The following LAMP3 variants were observed in gnomAD, a reference collection of about 807,000 sequenced individuals.
LAMP3 encodes the protein lysosome associated membrane protein 3.
LAMP3 carries 26 observed loss-of-function variants against 34.8 expected under a neutral mutation model. The ratio of observed to expected loss-of-function variants is 0.75; its 90% CI spans 0.55 to 1.04. The LOEUF (loss-of-function observed/expected upper bound fraction) is 1.04, where lower values mean the gene tolerates loss of function less well. Among genes scored for constraint, LAMP3 ranks in the 50% least tolerant of loss-of-function variants. LAMP3 has a pLI of 0.00. For synonymous variants in LAMP3, 180 were observed against 201.9 expected, an observed-to-expected ratio of 0.89 and a Z score of 0.92; for missense variants, 495 against 524.0, an observed-to-expected ratio of 0.94 and a Z score of 0.54.
chr3:183,156,234 G>T (rs996740675), intron 1 of LAMP3, among the ~76,000 whole-genome samples: 2 of 152,172 alleles, frequency 1.3e-5, no homozygotes, highest in African/African-American at 2.4e-5. Flanking sequence ...GTGACACAGT[G>T]CCTGTAATCC....
At chr3:183,157,483 C>T (rs1720855855) in intron 1 of LAMP3, among the ~76,000 whole-genome samples, 1 of 152,182 alleles carries the variant, frequency 6.6e-6, no homozygotes, top group Non-Finnish European at 1.5e-5. Flanking sequence ...TCTGGTCAAA[C>T]ACCAACGAAA....
At chr3:183,161,317 A>G (rs1560318784) in intron 1 of LAMP3, among the ~76,000 whole-genome samples, 1 of 152,326 alleles carries the variant, frequency 6.6e-6, no homozygotes, top group East Asian at 1.9e-4. Context: ...TTTGTAGCTC[A>G]GAAAGGAACC....
rs1719720819 is a variant in LAMP3, at chr3:183,123,753, C to T, written c.*328G>A. 1.8e-5 allele frequency: 5 copies of T among 270,766 alleles called. No homozygotes were observed. Among genetic ancestry groups the T allele is most frequent in the Non-Finnish European group, 3.6e-5 (5 of 140,782 alleles). 16.8% of individuals were successfully genotyped at this position (270,766 alleles called of 1,614,324 possible). On this transcript the variant is annotated 3_prime_UTR_variant, in exon 6 of 6. Transcript: ENST00000265598. ...ACAGTAGTATTAGTTACAATTGACC[C>T]TTGGTTTATAATTTGAAGGCTTATT...
At chr3:183,136,450 G>A (rs369345270) in intron 4 of LAMP3, among the ~76,000 whole-genome samples, 49 of 152,114 alleles carry the variant, frequency 3.2e-4, no homozygotes, top group African/African-American at 1.1e-3. Flanking sequence ...TCGGGAGTTC[G>A]AGACCAGCCT....
chr3:183,124,292 G>T, intron 5 of LAMP3, 78 bp from the exon 6 acceptor site: 1 of 1,293,890 alleles, frequency 7.7e-7, no homozygotes, highest in Non-Finnish European at 1.0e-6. Flanking sequence ...GGGGAAAGAA[G>T]ATGAGCTTTG....
rs1719719300 is a variant in LAMP3 at position 183,123,685 on chromosome 3, G to T, written c.*396C>A. The stretch of plus-strand genomic sequence containing the variant: ...AAGTCCATTTGATAACAAAGCAAAG[G>T]CTTTGTTAAGATCAAGGGTAAAATA... On this transcript the variant is annotated 3_prime_UTR_variant, in exon 6 of 6. Transcript: ENST00000265598. 1 of 176,998 alleles carries T rather than the reference G, an allele frequency of 5.6e-6. No homozygotes were observed. The highest frequency in any genetic ancestry group is 1.2e-5 in the Non-Finnish European group (1 of 83,184). 11.0% of individuals were successfully genotyped at this position (176,998 alleles called of 1,614,324 possible).
At chr3:183,157,993 G>A (rs1720870749) in intron 1 of LAMP3, 1 of 151,998 alleles carries the variant, frequency 6.6e-6, no homozygotes, top group Admixed American at 6.6e-5. Context: ...GTCTCTGGGT[G>A]GTAGACAGAA....
chr3:183,162,500 C>T (rs1721006557), intron 1 of LAMP3, 107 bp downstream of exon 1: 3 of 1,148,548 alleles, frequency 2.6e-6, no homozygotes, highest in Non-Finnish European at 2.5e-6. Flanking sequence ...CGCGCCACAC[C>T]TCCCTACCCG....
intron 4 of LAMP3, among the ~76,000 whole-genome samples, chr3:183,139,311 A>G (rs1346478458): frequency 1.3e-5 from 2 of 151,630 alleles, no homozygotes; most frequent in African/African-American, 4.9e-5. Context: ...AATCGCTTGA[A>G]TCTGGGAGGC....
chr3:183,150,207 G>A (rs967319329), intron 3 of LAMP3, among the ~76,000 whole-genome samples: 6 of 152,190 alleles, frequency 3.9e-5, no homozygotes, highest in Non-Finnish European at 8.8e-5. Context: ...TACCCTTGGA[G>A]GAAGAGGTAA....
chr3:183,130,253 G>T (rs985210227), intron 5 of LAMP3, among the ~76,000 whole-genome samples: 2 of 150,790 alleles, frequency 1.3e-5, no homozygotes, highest in South Asian at 2.1e-4. Context: ...CTGCCTCCCG[G>T]GTTGACGCCA....
intron 3 of LAMP3, among the ~76,000 whole-genome samples, chr3:183,151,444 TGAGA>T (rs1560313457): frequency 3.1e-5 from 4 of 129,008 alleles, no homozygotes; most frequent in Non-Finnish European, 3.3e-5. Flanking sequence ...TTTTTTTTTT[TGAGA>T]TGGAGTTTTG....
At chr3:183,138,111 C>T (rs1720157626) in intron 4 of LAMP3, among the ~76,000 whole-genome samples, 1 of 152,146 alleles carries the variant, frequency 6.6e-6, no homozygotes, top group African/African-American at 2.4e-5. Context: ...GCGTGAACCA[C>T]TGCACCCGGA....
chr3:183,125,863 TG>T (rs1232726249), intron 5 of LAMP3, among the ~76,000 whole-genome samples: 1 of 152,146 alleles, frequency 6.6e-6, no homozygotes, highest in African/African-American at 2.4e-5. Flanking sequence ...TTTTTACAGA[TG>T]GGGTCTTGCT....
chr3:183,157,060 C>G (rs1720842919), intron 1 of LAMP3, among the ~76,000 whole-genome samples: 1 of 152,114 alleles, frequency 6.6e-6, no homozygotes, highest in South Asian at 2.1e-4. Context: ...GATTATTTTC[C>G]AGAAGAAAAG....
chr3:183,143,386 G>T (rs7639990), intron 3 of LAMP3, among the ~76,000 whole-genome samples: 49,325 of 152,100 alleles, frequency 0.32, 9,290 homozygotes, highest in African/African-American at 0.53. Context: ...GTGTTGGGTT[G>T]ACAAGGAATG....
chr3:183,123,615 T>C lies in LAMP3; in HGVS notation c.*466A>G, dbSNP rs1280867686. 6.3e-6 allele frequency: 1 copy of C among 159,374 alleles called. No homozygotes were observed. Among genetic ancestry groups the C allele is most frequent in the Non-Finnish European group, 1.4e-5 (1 of 72,324 alleles). The allele number at this position is 159,374 out of a possible 1,614,324, so 9.9% of individuals were successfully genotyped here. On this transcript the variant is annotated 3_prime_UTR_variant, in exon 6 of 6. Transcript: ENST00000265598. ...GGAGTTAAGTGCTACACCAGGAATA[T>C]GTATGTTACATGAAACCATAAAACA... is the stretch of plus-strand genomic sequence containing the variant.
chr3:183,147,882 A>G (rs1264863118), intron 3 of LAMP3, among the ~76,000 whole-genome samples: 1 of 152,070 alleles, frequency 6.6e-6, no homozygotes, highest in Non-Finnish European at 1.5e-5. Context: ...ATGGCTAGCT[A>G]ATTTTTAAAT....
chr3:183,155,130 G>T (rs1004526836), intron 1 of LAMP3, among the ~76,000 whole-genome samples: 1 of 152,162 alleles, frequency 6.6e-6, no homozygotes, highest in African/African-American at 2.4e-5. Context: ...GTCCAGGCTG[G>T]TCTCAAACTC....
Sources: gnomAD v4.1 joint callset for allele counts (sites outside exome capture counted in the v4.1 genomes callset) on GRCh38, gnomAD v4.1.1 for gene constraint, MANE v1.5 for transcripts, NCBI Gene and HGNC (gene_info 2026-07-23, HGNC 2026-07-21) for gene names.